PPFIA1: variants seen among roughly 807,000 people sequenced by gnomAD.
PPFIA1 encodes PPFI scaffold protein A1.
A neutral mutation model predicts 149.9 loss-of-function variants in PPFIA1; 25 were observed. That is an observed-to-expected ratio of 0.17 (90% CI 0.12 to 0.23). PPFIA1 has a LOEUF of 0.23. PPFIA1 is among the 10% of genes least tolerant of loss of function. PPFIA1 has a pLI of 1.00. For missense variants in PPFIA1, 1,362 were observed against 1,506.5 expected (o/e 0.90, Z 1.59); for synonymous variants, 549 against 552.8 (o/e 0.99, Z 0.10).
In PPFIA1 at chr11:70,348,386, C is replaced by T. The variant is rs1183166163; in HGVS notation, c.2129C>T (p.Ala710Val). The change falls in exon 16 of 28, where the codon GCT (alanine) becomes GTT (valine). Residue 710 changes from alanine (A) to valine (V), a missense_variant. Coordinates refer to ENST00000253925, the MANE Select transcript of PPFIA1 (RefSeq NM_003626.5). ...CCACGAAGGATCCCTCACAGCCCAG[C>T]TCGGGAAGTGGACAGACTGGGCGTC... ...STPRRIPHSP[A>V]REVDRLGVMT... 2 of 1,613,522 alleles carry T rather than the reference C, an allele frequency of 1.2e-6. No individual in the cohort carries two copies. The highest frequency in any genetic ancestry group is 1.1e-5 in the South Asian group (1 of 91,054).
Position 70,354,375 on chromosome 11 carries a change from G to A in PPFIA1, c.2238G>A (p.Pro746=), listed in dbSNP as rs963595622. The A allele has an allele frequency of 1.1e-5, 17 of 1,613,922 alleles. No homozygotes were observed. The highest frequency in any genetic ancestry group is 1.6e-4 in the Middle Eastern group (1 of 6,084). ...GTGAAACCTCCCCGCCTTCCTCCCC[G>A]AGAGCCCTTCGGTTAGACCGGCTGC... ...IKCETSPPSS[P]RALRLDRLHK... The change falls in exon 17 of 28, where the codon CCG becomes CCA. Residue 746 remains proline (P), a synonymous_variant. Transcript: ENST00000253925.
chr11:70,333,220 G>C (rs896039685), intron 9 of PPFIA1: 7 of 569,520 alleles, frequency 1.2e-5, no homozygotes, highest in Non-Finnish European at 2.3e-5. Flanking sequence ...ATAGGGGTTG[G>C]GGGGAAAACA....
intron 2 of PPFIA1, among the ~76,000 whole-genome samples, chr11:70,294,373 C>G (rs561044110): frequency 3.3e-5 from 5 of 152,180 alleles, no homozygotes; most frequent in African/African-American, 9.6e-5. Context: ...GAGAGGAACA[C>G]TGGGAAGGAA....
chr11:70,292,557 T>C (rs996419243), intron 2 of PPFIA1, among the ~76,000 whole-genome samples: 1 of 152,234 alleles, frequency 6.6e-6, no homozygotes, highest in Non-Finnish European at 1.5e-5. Flanking sequence ...TTTTAGCAAA[T>C]TCGTATTGTC....
intron 21 of PPFIA1, chr11:70,371,955 A>G (rs762648429): frequency 3.6e-6 from 1 of 280,164 alleles, no homozygotes; most frequent in Non-Finnish European, 6.6e-6. Flanking sequence ...ATAGCCAGTT[A>G]CAGTTTTTTT....
At chr11:70,348,754 C>G (rs1056405114) in intron 16 of PPFIA1, among the ~76,000 whole-genome samples, 1 of 152,100 alleles carries the variant, frequency 6.6e-6, no homozygotes, top group Admixed American at 6.5e-5. Flanking sequence ...GCCTGTAGTC[C>G]CAGCTACTCT....
At position 70,372,497 on chromosome 11, in the gene PPFIA1, T is replaced by G; in HGVS notation, c.3062T>G (p.Ile1021Ser). 6.2e-7 allele frequency: 1 copy of G among 1,614,002 alleles called. No individual in the cohort carries two copies. The highest frequency in any genetic ancestry group is 8.5e-7 in the Non-Finnish European group (1 of 1,179,886). The part of the protein sequence containing the change: ...SFHRNSFQCG[I>S]MCLRRLNYDR... ...AATAGAAACAGTTTCCAGTGTGGAA[T>G]TATGTGCCTGAGAAGGTTAAATTAT... The change falls in exon 23 of 28, where the codon ATT (isoleucine) becomes AGT (serine). Residue 1021 changes from isoleucine to serine, a missense_variant. Coordinates refer to ENST00000253925, the MANE Select transcript of PPFIA1 (RefSeq NM_003626.5).
chr11:70,278,205 G>C (rs1177783594), intron 2 of PPFIA1, among the ~76,000 whole-genome samples: 1 of 151,610 alleles, frequency 6.6e-6, no homozygotes, highest in African/African-American at 2.4e-5. Context: ...CACCATGCCT[G>C]GCCTTTTTTT....
intron 2 of PPFIA1, among the ~76,000 whole-genome samples, chr11:70,287,281 T>C (rs1406219600): frequency 6.6e-6 from 1 of 152,148 alleles, no homozygotes; most frequent in Admixed American, 6.6e-5. Context: ...CTCTCCCAGT[T>C]GTGGATAGTT....
chr11:70,342,115 G>C (rs2055370209), intron 14 of PPFIA1: 1 of 152,650 alleles, frequency 6.6e-6, no homozygotes, highest in South Asian at 2.1e-4. Context: ...ACTGGGGAAG[G>C]GCCTTGGTTT....
intron 25 of PPFIA1, among the ~76,000 whole-genome samples, chr11:70,376,843 G>A (rs1312487625): frequency 6.6e-6 from 1 of 152,232 alleles, no homozygotes; most frequent in African/African-American, 2.4e-5. Context: ...AGGCTGAGGC[G>A]GGCGGATCAC....
chr11:70,377,201 T>G (rs535911107), intron 25 of PPFIA1, among the ~76,000 whole-genome samples: 1 of 152,280 alleles, frequency 6.6e-6, no homozygotes, highest in African/African-American at 2.4e-5. Context: ...CATAAAACAT[T>G]GGTTGCAGCT....
chr11:70,339,193 C>T lies in PPFIA1; in HGVS notation c.1594C>T (p.Pro532Ser). The T allele has an allele frequency of 6.2e-7, 1 of 1,613,930 alleles. No individual in the cohort carries two copies. Among genetic ancestry groups the T allele is most frequent in the South Asian group, 1.1e-5 (1 of 91,068 alleles). The change falls in exon 14 of 28, where the codon CCA becomes TCA. Residue 532 changes from proline (P) to serine (S), a missense_variant. Physicochemically the swap from Pro to Ser is moderately conservative, Grantham distance 74. Around this residue, in one of 7 missense-constraint regions of PPFIA1, gnomAD observed 733 missense variants for 744.1 expected, o/e 0.99. Coordinates refer to ENST00000253925, the MANE Select transcript of PPFIA1 (RefSeq NM_003626.5). ...CAGCCGACCCCACTTGGGCAGTGTC[C>T]CAGATTTCAGGTTCCCCATGGCAGA... ...HHGRPHLGSV[P>S]DFRFPMADGH...
At chr11:70,333,864 G>T (rs2054815779) in intron 10 of PPFIA1, among the ~76,000 whole-genome samples, 1 of 152,154 alleles carries the variant, frequency 6.6e-6, no homozygotes, top group Admixed American at 6.5e-5. Context: ...GGTAGCTGTG[G>T]TACCGGCGTG....
At chr11:70,328,786 T>C (rs1270874054) in intron 7 of PPFIA1, among the ~76,000 whole-genome samples, 2 of 152,198 alleles carry the variant, frequency 1.3e-5, no homozygotes, top group Non-Finnish European at 2.9e-5. Flanking sequence ...TGTGAGATGC[T>C]GTCTCATTGT....
chr11:70,369,086 A>G (rs1405863344), intron 21 of PPFIA1, among the ~76,000 whole-genome samples: 1 of 151,970 alleles, frequency 6.6e-6, no homozygotes, highest in Non-Finnish European at 1.5e-5. Flanking sequence ...CACCATGCCC[A>G]GCTGAGCAGT....
intron 15 of PPFIA1, 68 bp downstream of exon 15, chr11:70,343,960 A>T: frequency 7.4e-7 from 1 of 1,344,220 alleles, no homozygotes; most frequent in Non-Finnish European, 1.0e-6. Flanking sequence ...TCTTGCCTGG[A>T]AAAGTCTGGA....
intron 12 of PPFIA1, among the ~76,000 whole-genome samples, chr11:70,337,897 G>GACT (rs1398043019): frequency 6.6e-6 from 1 of 152,098 alleles, no homozygotes; most frequent in Non-Finnish European, 1.5e-5. Flanking sequence ...TCTCCATTTA[G>GACT]ACTAACCCAT....
intron 15 of PPFIA1, among the ~76,000 whole-genome samples, chr11:70,345,397 G>A (rs1293433152): frequency 6.6e-6 from 1 of 151,926 alleles, no homozygotes; most frequent in African/African-American, 2.4e-5. Flanking sequence ...TCTGAGCAGG[G>A]GCGTGAAGGA....
Sources: allele counts gnomAD v4.1 joint callset (sites outside exome capture counted in the v4.1 genomes callset), GRCh38; gene constraint gnomAD v4.1.1; regional missense constraint gnomAD v4.1.1; transcripts MANE v1.5; gene names NCBI Gene and HGNC (gene_info 2026-07-23, HGNC 2026-07-21).